Variants in ACKR2 observed in about 807,000 individuals in gnomAD.
The protein encoded by ACKR2 is atypical chemokine receptor 2.
For synonymous variants in ACKR2, 207 were observed against 192.2 expected, an observed-to-expected ratio of 1.08 and a Z score of -0.64; for missense variants, 457 against 477.3, an observed-to-expected ratio of 0.96 and a Z score of 0.40.
intron 2 of ACKR2, among the ~76,000 whole-genome samples, chr3:42,859,680 C>G (rs2088360663): frequency 6.6e-6 from 1 of 152,038 alleles, no homozygotes; most frequent in South Asian, 2.1e-4. Flanking sequence ...CGCGCCTGGC[C>G]TTCAACATTC....
intron 2 of ACKR2, among the ~76,000 whole-genome samples, chr3:42,859,038 G>A (rs968760140): frequency 2.4e-4 from 36 of 152,072 alleles, no homozygotes; most frequent in African/African-American, 8.5e-4. Flanking sequence ...AAAAGACCAA[G>A]CCTACGTTTG....
At chr3:42,825,634 A>G (rs544414701) in intron 2 of ACKR2, among the ~76,000 whole-genome samples, 12 of 151,244 alleles carry the variant, frequency 7.9e-5, no homozygotes, top group African/African-American at 2.7e-4. Context: ...AGGATTTTCT[A>G]TATACAAAAT....
At chr3:42,824,161 A>G (rs762325315) in intron 2 of ACKR2, among the ~76,000 whole-genome samples, 1 of 152,118 alleles carries the variant, frequency 6.6e-6, no homozygotes, top group African/African-American at 2.4e-5. Flanking sequence ...AATCCAAAAC[A>G]CTTCTGGTGC....
chr3:42,856,470 G>A (rs1213969791), intron 2 of ACKR2: 2 of 693,032 alleles, frequency 2.9e-6, no homozygotes, highest in Non-Finnish European at 5.2e-6. Context: ...TTCGAAGTCT[G>A]CCTGAAAAAA....
intron 2 of ACKR2, among the ~76,000 whole-genome samples, chr3:42,842,024 A>G (rs973471413): frequency 1.3e-5 from 2 of 152,178 alleles, no homozygotes; most frequent in African/African-American, 4.8e-5. Flanking sequence ...GTAAAATGGA[A>G]ATGACCCTAC....
At chr3:42,842,712 G>C (rs4683344) in intron 2 of ACKR2, among the ~76,000 whole-genome samples, 40,898 of 151,982 alleles carry the variant, frequency 0.27, 7,150 homozygotes, top group East Asian at 0.6. Flanking sequence ...TAATTACATG[G>C]TGGCTCACAC....
rs969547793 is a variant in ACKR2 at position 42,812,202 on chromosome 3, A to G, written c.-119+2670A>G. On this transcript the variant is annotated intron_variant, in intron 1 of 2. Coordinates refer to ENST00000422265, the MANE Select transcript of ACKR2 (RefSeq NM_001296.5). The stretch of plus-strand genomic sequence containing the variant: ...GGCCCCCTTCAGTTTTCTTTCCCTC[A>G]GGGTTGTATAGTGCATAACGGCCCT... 3.3e-5 allele frequency among the ~76,000 whole-genome samples: 5 copies of G among 152,274 alleles called. No homozygotes were observed. In the South Asian group the frequency reaches 1.0e-3, roughly 32 times the overall value.
At chr3:42,836,060 A>G (rs935999216) in intron 2 of ACKR2, 1 of 152,142 alleles carries the variant, frequency 6.6e-6, no homozygotes, top group African/African-American at 2.4e-5. Flanking sequence ...AAAGGCAGGT[A>G]TTACTACAGT....
intron 2 of ACKR2, among the ~76,000 whole-genome samples, chr3:42,862,654 A>C (rs1398161855): frequency 6.6e-6 from 1 of 152,224 alleles, no homozygotes; most frequent in African/African-American, 2.4e-5. Context: ...ACTGCTACCA[A>C]AACAGATATA....
intron 2 of ACKR2, among the ~76,000 whole-genome samples, chr3:42,831,704 T>C (rs1388375353): frequency 6.6e-6 from 1 of 152,234 alleles, no homozygotes. Flanking sequence ...CTTTTGTAAG[T>C]AGTCTCCCTC....
At chr3:42,828,586 T>A (rs1700896883) in intron 2 of ACKR2, among the ~76,000 whole-genome samples, 1 of 152,194 alleles carries the variant, frequency 6.6e-6, no homozygotes, top group Non-Finnish European at 1.5e-5. Context: ...TCCTAGTGCC[T>A]ACCTGTCTGT....
At chr3:42,809,562 A>T (rs1700672924) in intron 1 of ACKR2, 30 bp downstream of exon 1, 1 of 152,184 alleles carries the variant, frequency 6.6e-6, no homozygotes, top group African/African-American at 2.4e-5. Flanking sequence ...GCCAATTCTT[A>T]GACAAAAAGT....
In ACKR2 at chr3:42,852,725, T is replaced by G. The variant is rs1249408914; in HGVS notation, c.-37-11741T>G. On this transcript the variant is annotated intron_variant, in intron 2 of 2. Transcript: ENST00000422265. The surrounding 1 kb of genome is among the most constrained non-coding windows in gnomAD (Gnocchi z 4.3). ...ATGAAAACAGACAAACAGGATACAC[T>G]AAGATGTTCCTGTGGGTTATTTTTG... 6.6e-6 allele frequency among the ~76,000 whole-genome samples: 1 copy of G among 152,230 alleles called. No homozygotes were observed. The highest frequency in any genetic ancestry group is 1.9e-4 in the East Asian group (1 of 5,202).
At chr3:42,837,985 A>G (rs1420178409) in intron 2 of ACKR2, among the ~76,000 whole-genome samples, 1 of 152,228 alleles carries the variant, frequency 6.6e-6, no homozygotes, top group African/African-American at 2.4e-5. Context: ...AGATACATAA[A>G]TTTATATTAT....
At chr3:42,832,370 T>A (rs1258372916) in intron 2 of ACKR2, among the ~76,000 whole-genome samples, 1 of 151,998 alleles carries the variant, frequency 6.6e-6, no homozygotes, top group Non-Finnish European at 1.5e-5. Flanking sequence ...GCACCTGTAA[T>A]CCCAGCTACT....
chr3:42,834,094 G>A (rs1700960670), intron 2 of ACKR2, among the ~76,000 whole-genome samples: 1 of 152,136 alleles, frequency 6.6e-6, no homozygotes, highest in Non-Finnish European at 1.5e-5. Context: ...GAGTAGCTGG[G>A]ATTACAGGCA....
At chr3:42,841,733 G>A (rs768824721) in intron 2 of ACKR2, 1 of 152,256 alleles carries the variant, frequency 6.6e-6, no homozygotes, top group Non-Finnish European at 1.5e-5. Context: ...GTCTCTATAG[G>A]TTATGATTTA....
chr3:42,824,198 A>G (rs1423596277), intron 2 of ACKR2, among the ~76,000 whole-genome samples: 1 of 152,340 alleles, frequency 6.6e-6, no homozygotes, highest in Admixed American at 6.5e-5. Context: ...GGGATACTCA[A>G]CCTATAATAC....
intron 2 of ACKR2, among the ~76,000 whole-genome samples, chr3:42,833,706 T>TAA (rs34052773): frequency 1.2e-4 from 18 of 150,214 alleles, no homozygotes; most frequent in Admixed American, 4.0e-4. Context: ...AGAGATCATT[T>TAA]AAAAAAAAAA....
Sources: gnomAD v4.1 joint callset for allele counts (sites outside exome capture counted in the v4.1 genomes callset) on GRCh38, gnomAD v4.1.1 for gene constraint, Gnocchi (gnomAD v3.1) non-coding constraint, MANE v1.5 for transcripts, NCBI Gene and HGNC (gene_info 2026-07-23, HGNC 2026-07-21) for gene names.